Variants in EIF3F observed in about 807,000 individuals in gnomAD.
EIF3F encodes deubiquitinating enzyme eIF3f.
A neutral mutation model predicts 36.0 loss-of-function variants in EIF3F; 8 were observed. That is an observed-to-expected ratio of 0.22 (90% CI 0.13 to 0.40). The LOEUF is 0.40. Among genes scored for constraint, EIF3F ranks in the 10% least tolerant of loss-of-function variants. The pLI is 1.00. For synonymous variants in EIF3F, 184 were observed against 188.5 expected (o/e 0.98, Z 0.19); for missense variants, 430 against 467.6 (o/e 0.92, Z 0.74).
intron 7 of EIF3F, 127 bp downstream of exon 7, chr11:7,995,494 C>G (rs1399724208): frequency 1.3e-6 from 1 of 789,488 alleles, no homozygotes; most frequent in African/African-American, 1.7e-5. Context: ...ACCTATAGCC[C>G]CACTGAAGTC....
intron 1 of EIF3F, among the ~76,000 whole-genome samples, chr11:7,990,482 A>G (rs373222926): frequency 1.1e-3 from 161 of 152,340 alleles, no homozygotes; most frequent in African/African-American, 3.8e-3. Context: ...GAAAAGGAAC[A>G]TTGAATAAAA....
In EIF3F at chr11:7,999,814, C is replaced by G. The variant is rs572465395; in HGVS notation, c.*3792C>G. The G allele has an allele frequency of 6.0e-4, 92 of 152,274 alleles. No individual in the cohort carries two copies. Among genetic ancestry groups the G allele is most frequent in the African/African-American group, 2.0e-3 (84 of 41,538 alleles). 9.4% of individuals were successfully genotyped at this position (152,274 alleles called of 1,614,324 possible). A position where few individuals can be genotyped will look rare whatever the true frequency, so the allele number is the denominator to read the frequency against. ...GCAATCCCACTACTGGGTATATATC[C>G]AAAGGAAATGAAATCAGTATGTTGA... On this transcript the variant is annotated 3_prime_UTR_variant, in exon 8 of 8. Coordinates refer to ENST00000651655, the MANE Select transcript of EIF3F (RefSeq NM_003754.3).
intron 7 of EIF3F, 30 bp from the exon 8 acceptor site, chr11:7,995,915 C>G (rs1406445896): frequency 3.7e-6 from 6 of 1,606,218 alleles, no homozygotes; most frequent in Non-Finnish European, 4.3e-6. Context: ...CACCCAACCC[C>G]CCACTCATTG....
chr11:7,987,837 G>A, intron 1 of EIF3F, 121 bp downstream of exon 1: 5 of 1,347,734 alleles, frequency 3.7e-6, no homozygotes, highest in Non-Finnish European at 4.8e-6. Flanking sequence ...CATCCCCAAT[G>A]ACCTCTTAAT....
chr11:7,994,526 C>T lies in EIF3F; in HGVS notation c.745+9C>T. The T allele has an allele frequency of 2.5e-6, 4 of 1,611,886 alleles. No homozygotes were observed. The highest frequency in any genetic ancestry group is 3.4e-6 in the Non-Finnish European group (4 of 1,178,842). ...CACTGAACGCATCGGAGGTGAGTAA[C>T]CTTTCCATACACTCGCGAGAGGCCA... On this transcript the variant is annotated intron_variant, in intron 5 of 7. Coordinates refer to ENST00000651655, the MANE Select transcript of EIF3F (RefSeq NM_003754.3).
intron 5 of EIF3F, 22 bp from the exon 6 acceptor site, chr11:7,994,960 C>G: frequency 6.2e-7 from 1 of 1,610,366 alleles, no homozygotes; most frequent in South Asian, 1.1e-5. Context: ...GCCGCTGCCA[C>G]CCTGCCAACC....
chr11:7,992,769 T>C, intron 3 of EIF3F, 118 bp from the exon 4 acceptor site: 1 of 1,288,496 alleles, frequency 7.8e-7, no homozygotes, highest in Non-Finnish European at 1.1e-6. Flanking sequence ...TGGCAGTTGG[T>C]GTCACTAGGT....
At position 7,997,075 on chromosome 11, in the gene EIF3F, C is replaced by T. The variant is rs1302361206; in HGVS notation, c.*1053C>T. ...AGGTGAATAGTTTGAAAGTAATAAG[C>T]AACATGAACCCCAGCCTGGAACTCA... On this transcript the variant is annotated 3_prime_UTR_variant, in exon 8 of 8. Transcript: ENST00000651655. The T allele has an allele frequency of 6.6e-6, 1 of 152,162 alleles. No individual in the cohort carries two copies. The highest frequency in any genetic ancestry group is 1.5e-5 in the Non-Finnish European group (1 of 68,028). The allele number at this position is 152,162 out of a possible 1,614,324, so 9.4% of individuals were successfully genotyped here.
Position 7,996,181 on chromosome 11 carries a change from A to T in EIF3F, c.*159A>T, listed in dbSNP as rs1430403389. ...ACCTTTTGTAAATTAATTTCATCTT[A>T]TGTGAGTTTATTGCCGGGTGGAAGG... On this transcript the variant is annotated 3_prime_UTR_variant, in exon 8 of 8. Transcript: ENST00000651655. 2.4e-5 allele frequency: 15 copies of T among 621,728 alleles called. No individual in the cohort carries two copies. The highest frequency in any genetic ancestry group is 4.2e-5 in the Non-Finnish European group (15 of 357,428). 38.5% of individuals were successfully genotyped at this position (621,728 alleles called of 1,614,324 possible). A position where few individuals can be genotyped will look rare whatever the true frequency, so the allele number is the denominator to read the frequency against.
intron 1 of EIF3F, among the ~76,000 whole-genome samples, chr11:7,991,383 C>T (rs977114929): frequency 6.6e-6 from 1 of 151,998 alleles, no homozygotes; most frequent in African/African-American, 2.4e-5. Context: ...GTGTCTGAAA[C>T]TTGGCCACTA....
intron 1 of EIF3F, among the ~76,000 whole-genome samples, chr11:7,990,865 GAATA>G (rs58906269): frequency 0.22 from 29,346 of 136,438 alleles, 3,947 homozygotes; most frequent in African/African-American, 0.38. Context: ...AATGTAGTGG[GAATA>G]AATAAATAAA....
rs927764113 is a variant in EIF3F at position 7,998,744 on chromosome 11, C to G, written c.*2722C>G. ...AAAAAACAAAAGAATGATAAAAATTCCCAATAATGTTTACTTTGGTGGTGA... is the reference window on the plus strand; with the variant it reads ...AAAAAACAAAAGAATGATAAAAATTGCCAATAATGTTTACTTTGGTGGTGA... On this transcript the variant is annotated 3_prime_UTR_variant, in exon 8 of 8. Coordinates refer to ENST00000651655, the MANE Select transcript of EIF3F (RefSeq NM_003754.3). The G allele has an allele frequency of 1.3e-5, 2 of 151,908 alleles. No individual in the cohort carries two copies. Among genetic ancestry groups the G allele is most frequent in the Non-Finnish European group, 2.9e-5 (2 of 68,004 alleles). 9.4% of individuals were successfully genotyped at this position (151,908 alleles called of 1,614,324 possible).
Position 7,994,340 on chromosome 11 carries a change from C to T in EIF3F, c.654-86C>T. 3 of 1,162,666 alleles carry T rather than the reference C, an allele frequency of 2.6e-6. No individual in the cohort carries two copies. In the South Asian group the frequency reaches 4.2e-5, roughly 16 times the overall value. The allele number at this position is 1,162,666 out of a possible 1,614,324, so 72.0% of individuals were successfully genotyped here. A position where few individuals can be genotyped will look rare whatever the true frequency, so the allele number is the denominator to read the frequency against. ...CTATCAGAACCTTGAGAGCCATATT[C>T]CTGCTGTATCTGCTTTCTCAGCCCA... On this transcript the variant is annotated intron_variant, in intron 4 of 7. Coordinates refer to ENST00000651655, the MANE Select transcript of EIF3F (RefSeq NM_003754.3).
At position 7,987,455 on chromosome 11, in the gene EIF3F, G is replaced by A. The variant is rs1472616218; in HGVS notation, c.103G>A (p.Ala35Thr). The A allele has an allele frequency of 6.2e-7, 1 of 1,603,802 alleles. No homozygotes were observed. The highest frequency in any genetic ancestry group is 1.3e-5 in the African/African-American group (1 of 74,818). Residue 35 changes from alanine (A) to threonine (T), a missense_variant, in exon 1 of 8, where the codon GCG (alanine) becomes ACG (threonine). Coordinates refer to ENST00000651655, the MANE Select transcript of EIF3F (RefSeq NM_003754.3). ...SVPAPTPAPAAAPVPAAAPAS... is the reference protein window; with the variant it reads ...SVPAPTPAPATAPVPAAAPAS... ...TCCAGCGCCAACGCCAGCACCGGCT[G>A]CGGCTCCGGTTCCCGCTGCGGCTCC...
chr11:7,995,966 C>T lies in EIF3F; in HGVS notation c.1018C>T (p.Leu340=). 3 of 1,613,902 alleles carry T rather than the reference C, an allele frequency of 1.9e-6. No homozygotes were observed. The highest frequency in any genetic ancestry group is 2.5e-6 in the Non-Finnish European group (3 of 1,179,838). ...NINDLLMVTY[L]ANLTQSQIAL... ...CCAGGACCTTTTGATGGTGACCTAC[C>T]TGGCCAACCTCACACAGTCACAGAT... Residue 340 remains leucine, a synonymous_variant, in exon 8 of 8, where the codon CTG becomes TTG. Transcript: ENST00000651655.
In EIF3F at chr11:7,987,736, TAAC is replaced by T; in HGVS notation, c.364+22_364+24del. ...TGTTGGGTGAGTGGTCAGAGAAAGT[TAAC>T]ATTCTTTTCTTCCTCCCACTTCTCA... On this transcript the variant is annotated intron_variant, in intron 1 of 7. Transcript: ENST00000651655. The T allele has an allele frequency of 1.3e-6, 2 of 1,485,558 alleles. No homozygotes were observed. The highest frequency in any genetic ancestry group is 1.8e-6 in the Non-Finnish European group (2 of 1,117,688). 92.0% of individuals were successfully genotyped at this position (1,485,558 alleles called of 1,614,324 possible).
intron 1 of EIF3F, among the ~76,000 whole-genome samples, chr11:7,989,905 T>A (rs1358304943): frequency 6.6e-6 from 1 of 152,142 alleles, no homozygotes; most frequent in African/African-American, 2.4e-5. Context: ...CCCTAAGAAG[T>A]ATTAAATAAT....
chr11:7,993,143 C>T, intron 4 of EIF3F, 119 bp downstream of exon 4: 1 of 1,166,020 alleles, frequency 8.6e-7, no homozygotes, highest in Non-Finnish European at 1.2e-6. Flanking sequence ...GAAGCCTGTT[C>T]CTCTCTCTCA....
intron 1 of EIF3F, among the ~76,000 whole-genome samples, chr11:7,991,153 C>G (rs777273164): frequency 4.0e-4 from 60 of 151,422 alleles, no homozygotes; most frequent in Non-Finnish European, 6.6e-4. Context: ...CGAGATTGCA[C>G]CACTGCACTC....
Sources: allele counts gnomAD v4.1 joint callset (sites outside exome capture counted in the v4.1 genomes callset), GRCh38; gene constraint gnomAD v4.1.1; transcripts MANE v1.5; gene names NCBI Gene and HGNC (gene_info 2026-07-23, HGNC 2026-07-21).